The following NT5C3A variants were observed in gnomAD, a reference collection of about 807,000 sequenced individuals.
NT5C3A encodes 5'-nucleotidase, cytosolic IIIA, also known as cytosolic 5'-nucleotidase 3A.
Under a neutral mutation model 40.0 loss-of-function variants are expected in NT5C3A, and 23 were observed. The ratio of observed to expected loss-of-function variants is 0.58; its 90% CI spans 0.41 to 0.81. NT5C3A has a LOEUF of 0.81. Among genes scored for constraint, NT5C3A ranks in the 40% least tolerant of loss-of-function variants. The probability of loss-of-function intolerance (pLI) is 0.00; values close to 1 mark genes in which losing one functional copy is unlikely to be tolerated. For missense variants in NT5C3A, 328 were observed against 403.0 expected (o/e 0.81, Z 1.59); for synonymous variants, 130 against 141.4 (o/e 0.92, Z 0.57).
intron 1 of NT5C3A, among the ~76,000 whole-genome samples, chr7:33,043,832 G>C (rs139735572): frequency 1.2e-3 from 181 of 152,294 alleles, no homozygotes; most frequent in Non-Finnish European, 1.7e-3. Context: ...GGACTAACAT[G>C]TATCAAGCAC....
intron 1 of NT5C3A, among the ~76,000 whole-genome samples, chr7:33,052,002 T>C (rs2128016907): frequency 6.6e-6 from 1 of 152,366 alleles, no homozygotes; most frequent in East Asian, 1.9e-4. Flanking sequence ...TCTCCCTTCC[T>C]GGTCTCATCC....
Position 33,046,372 on chromosome 7 carries a change from A to C in NT5C3A, c.138+16196T>G, listed in dbSNP as rs910504150. Among the ~76,000 whole-genome samples the C allele has an allele frequency of 3.3e-5, 5 of 152,092 alleles. No homozygotes were observed. In the East Asian group the frequency reaches 9.7e-4, roughly 29 times the overall value. ...GGCAACATACAGAGGCCCTGTATCCACAAAAAATGTTAAAAAATTAGCCAA... is the reference window on the plus strand; with the variant it reads ...GGCAACATACAGAGGCCCTGTATCCCCAAAAAATGTTAAAAAATTAGCCAA... On this transcript the variant is annotated intron_variant, in intron 1 of 8. Coordinates refer to ENST00000610140, the MANE Select transcript of NT5C3A (RefSeq NM_001002010.5).
rs770535877 is a variant in NT5C3A at position 33,022,051 on chromosome 7, A to C, written c.354+2T>G. 1 of 1,505,238 alleles carries C rather than the reference A, an allele frequency of 6.6e-7. No homozygotes were observed. 93.2% of individuals were successfully genotyped at this position (1,505,238 alleles called of 1,614,324 possible). On this transcript the variant is annotated splice_donor_variant, in intron 4 of 8. Transcript: ENST00000610140. LOFTEE classifies it high-confidence loss of function. ...TGACTATAGATTGTTGTTAGTGTTTACCTTTTTTCTACATTCATCTGTAAC... is the reference window on the plus strand; with the variant it reads ...TGACTATAGATTGTTGTTAGTGTTTCCCTTTTTTCTACATTCATCTGTAAC...
intron 1 of NT5C3A, among the ~76,000 whole-genome samples, chr7:33,060,369 CTTTTTTT>C (rs3082829): frequency 3.3e-4 from 26 of 78,468 alleles, no homozygotes; most frequent in African/African-American, 1.4e-3. Context: ...TGCTTTCCTT[CTTTTTTT>C]TTTTTTTTTT....
rs1329481689 is a variant in NT5C3A, at chr7:33,017,468, C to T, written c.664G>A (p.Val222Met). Reference protein sequence around the residue: ...AGVYHPNVKVVSNFMDFDETG... With the variant: ...AGVYHPNVKVMSNFMDFDETG... Reference sequence around the variant, plus strand: ...TCATCAAAATCCATAAAATTGGACACAACTTTGACATTGGGATGATAAACA... The same window carrying T: ...TCATCAAAATCCATAAAATTGGACATAACTTTGACATTGGGATGATAAACA... Residue 222 changes from valine to methionine, a missense_variant, in exon 7 of 9, where the codon GTG becomes ATG. Around this residue, in one of 3 missense-constraint regions of NT5C3A, gnomAD observed 280 missense variants for 317.2 expected, o/e 0.88. Coordinates refer to ENST00000610140, the MANE Select transcript of NT5C3A (RefSeq NM_001002010.5). 38 of 1,613,064 alleles carry T rather than the reference C, an allele frequency of 2.4e-5. No homozygotes were observed. Among genetic ancestry groups the T allele is most frequent in the Non-Finnish European group, 3.1e-5 (36 of 1,179,142 alleles).
At chr7:33,018,635 G>C (rs1785466952) in intron 6 of NT5C3A, among the ~76,000 whole-genome samples, 1 of 152,150 alleles carries the variant, frequency 6.6e-6, no homozygotes, top group Non-Finnish European at 1.5e-5. Context: ...CAGATCACAA[G>C]GTCAGGAGAT....
At chr7:33,048,387 G>T (rs546969194) in intron 1 of NT5C3A, among the ~76,000 whole-genome samples, 20 of 152,088 alleles carry the variant, frequency 1.3e-4, no homozygotes, top group African/African-American at 4.8e-4. Flanking sequence ...TAAAAAGCTG[G>T]ATCATAATTC....
intron 7 of NT5C3A, 69 bp downstream of exon 7, chr7:33,017,368 CAA>C: frequency 1.6e-6 from 2 of 1,248,166 alleles, no homozygotes; most frequent in Non-Finnish European, 2.3e-6. Context: ...TATTAAGTAA[CAA>C]TAAATAAATT....
At chr7:33,039,155 A>G (rs1351753444) in intron 1 of NT5C3A, among the ~76,000 whole-genome samples, 1 of 152,214 alleles carries the variant, frequency 6.6e-6, no homozygotes, top group Non-Finnish European at 1.5e-5. Context: ...TTTAGTTATC[A>G]CAGTATTTCA....
rs150720544 is a variant in NT5C3A at position 33,014,302 on chromosome 7, T to C, written c.*428A>G. ...CCAAACCTAACACAATTTCAAGAGA[T>C]GGTGATACCATCAGCATAATAACCC... On this transcript the variant is annotated 3_prime_UTR_variant, in exon 9 of 9. Transcript: ENST00000610140. 259 of 454,468 alleles carry C rather than the reference T, an allele frequency of 5.7e-4. No homozygotes were observed. The highest frequency in any genetic ancestry group is 4.7e-3 in the African/African-American group (238 of 50,130). 28.2% of individuals were successfully genotyped at this position (454,468 alleles called of 1,614,324 possible). A position where few individuals can be genotyped will look rare whatever the true frequency, so the allele number is the denominator to read the frequency against.
intron 7 of NT5C3A, chr7:33,017,206 A>T (rs959075489): frequency 6.0e-6 from 3 of 496,350 alleles, no homozygotes; most frequent in Non-Finnish European, 1.1e-5. Context: ...AAAAAGAAGA[A>T]GTTTTACTAC....
intron 1 of NT5C3A, 27 bp from the exon 2 acceptor site, chr7:33,026,942 T>C (rs1466787854): frequency 6.8e-7 from 1 of 1,468,754 alleles, no homozygotes; most frequent in East Asian, 2.3e-5. Flanking sequence ...ATTAATTAAT[T>C]AGTTTTCATT....
In NT5C3A at chr7:33,017,526, G is replaced by C; in HGVS notation, c.606C>G (p.Gly202=). Residue 202 remains glycine (G), a synonymous_variant, in exon 7 of 9, where the codon GGC becomes GGG. Transcript: ENST00000610140. ...IPVFIFSAGI[G]DVLEEVIRQA... Reference sequence around the variant, plus strand: ...GACGAATAACTTCCTCTAGTACATCGCCGATTCCAGCCGAAAATATGAACA... The same window carrying C: ...GACGAATAACTTCCTCTAGTACATCCCCGATTCCAGCCGAAAATATGAACA... 2 of 1,613,096 alleles carry C rather than the reference G, an allele frequency of 1.2e-6. No individual in the cohort carries two copies. Among genetic ancestry groups the C allele is most frequent in the Non-Finnish European group, 1.7e-6 (2 of 1,179,120 alleles).
chr7:33,045,725 G>A (rs945250410), intron 1 of NT5C3A: 1 of 151,848 alleles, frequency 6.6e-6, no homozygotes, highest in Non-Finnish European at 1.5e-5. Flanking sequence ...CCAAAGTGCT[G>A]GGATTACAGG....
intron 1 of NT5C3A, among the ~76,000 whole-genome samples, chr7:33,031,704 G>T (rs1011082235): frequency 1.3e-5 from 2 of 151,574 alleles, no homozygotes; most frequent in African/African-American, 4.9e-5. Context: ...TAAACTAAGG[G>T]TTATACAATC....
chr7:33,042,134 C>T (rs1047866092), intron 1 of NT5C3A, among the ~76,000 whole-genome samples: 2 of 151,984 alleles, frequency 1.3e-5, no homozygotes, highest in African/African-American at 2.4e-5. Context: ...GTCAGGAGTT[C>T]GAGACCAACC....
Position 33,017,587 on chromosome 7 carries a change from T to A in NT5C3A, c.545A>T (p.Asn182Ile). 1 of 1,613,580 alleles carries A rather than the reference T, an allele frequency of 6.2e-7. No homozygotes were observed. Among genetic ancestry groups the A allele is most frequent in the South Asian group, 1.1e-5 (1 of 91,074 alleles). Residue 182 changes from asparagine to isoleucine, a missense_variant, in exon 7 of 9, where the codon AAT (asparagine) becomes ATT (isoleucine). Coordinates refer to ENST00000610140, the MANE Select transcript of NT5C3A (RefSeq NM_001002010.5). The part of the protein sequence containing the change: ...SDVMLKEGYE[N>I]FFDKLQQHSI... ...ATGTTGTTGGAGCTTATCAAAGAAATTCTCATATCCTTCTCTGTAAGATGG... is the reference window on the plus strand; with the variant it reads ...ATGTTGTTGGAGCTTATCAAAGAAAATCTCATATCCTTCTCTGTAAGATGG...
At chr7:33,026,353 G>GAAAAAAAAA (rs1226260693) in intron 2 of NT5C3A, among the ~76,000 whole-genome samples, 1,336 of 94,002 alleles carry the variant, frequency 0.014, 15 homozygotes, top group Non-Finnish European at 0.016. Flanking sequence ...CATCTCAAAA[G>GAAAAAAAAA]AAAAAAAAAA....
At chr7:33,032,186 G>A (rs1013109247) in intron 1 of NT5C3A, among the ~76,000 whole-genome samples, 8 of 151,976 alleles carry the variant, frequency 5.3e-5, no homozygotes, top group African/African-American at 1.9e-4. Context: ...CACTTTGGGA[G>A]GCCAAGGCAG....
Sources: gnomAD v4.1 joint callset for allele counts (sites outside exome capture counted in the v4.1 genomes callset) on GRCh38, gnomAD v4.1.1 for gene constraint, gnomAD v4.1.1 regional missense constraint, MANE v1.5 for transcripts, NCBI Gene and HGNC (gene_info 2026-07-23, HGNC 2026-07-21) for gene names.